CCDC149: variants seen among roughly 807,000 people sequenced by gnomAD.
The protein encoded by CCDC149 is coiled-coil domain-containing protein 149.
A neutral mutation model predicts 59.9 loss-of-function variants in CCDC149; 45 were observed. The ratio of observed to expected loss-of-function variants is 0.75; its 90% CI spans 0.59 to 0.96. The LOEUF (loss-of-function observed/expected upper bound fraction) is 0.96. CCDC149 is among the 40% of genes least tolerant of loss of function. The pLI is 0.00. For synonymous variants in CCDC149, 245 were observed against 260.6 expected (o/e 0.94, Z 0.58); for missense variants, 584 against 664.7 (o/e 0.88, Z 1.33).
At chr4:24,972,955 T>A (rs548058478) in intron 1 of CCDC149, among the ~76,000 whole-genome samples, 42 of 152,302 alleles carry the variant, frequency 2.8e-4, no homozygotes, top group Middle Eastern at 3.4e-3. Flanking sequence ...ACATTCACCA[T>A]CTTTTGCCTG....
Position 24,817,253 on chromosome 4 carries a change from T to C in CCDC149, c.1192+2606A>G, listed in dbSNP as rs185102400. ...TCCATGTGGACATTGGATCCTGGCA[T>C]GGCAAAACCACCAGCCAAGACATGC... On this transcript the variant is annotated intron_variant, in intron 12 of 12. Transcript: ENST00000635206. 8.3e-3 allele frequency among the ~76,000 whole-genome samples: 1,264 copies of C among 152,214 alleles called. 16 individuals carry two copies. Among genetic ancestry groups the C allele is most frequent in the African/African-American group, 0.029 (1,192 of 41,528 alleles).
chr4:24,876,019 G>A (rs1719396503), intron 2 of CCDC149, among the ~76,000 whole-genome samples: 1 of 151,998 alleles, frequency 6.6e-6, no homozygotes, highest in African/African-American at 2.4e-5. Context: ...ATGAAATCTT[G>A]CACCATTCCC....
At chr4:24,884,498 G>T (rs891726714) in intron 1 of CCDC149, among the ~76,000 whole-genome samples, 6 of 152,198 alleles carry the variant, frequency 3.9e-5, no homozygotes, top group African/African-American at 1.4e-4. Flanking sequence ...CTAATAGATG[G>T]TAATAAGTAG....
At chr4:24,959,313 T>G (rs966237587) in intron 1 of CCDC149, among the ~76,000 whole-genome samples, 14 of 152,134 alleles carry the variant, frequency 9.2e-5, no homozygotes, top group Non-Finnish European at 2.1e-4. Flanking sequence ...CAGTGACCTG[T>G]GGGACAACTG....
chr4:24,803,701 C>T (rs1024877527), downstream of CCDC149, among the ~76,000 whole-genome samples: 2 of 152,212 alleles, frequency 1.3e-5, no homozygotes, highest in African/African-American at 4.8e-5. The surrounding 1 kb of genome is among the most constrained non-coding windows in gnomAD (Gnocchi z 4.3). Flanking sequence ...TAATAGGCTA[C>T]CACTGGCCTC....
At chr4:24,833,538 C>T (rs1716302714) in intron 8 of CCDC149, among the ~76,000 whole-genome samples, 1 of 152,058 alleles carries the variant, frequency 6.6e-6, no homozygotes, top group Non-Finnish European at 1.5e-5. Flanking sequence ...GCAGGAGAAT[C>T]GCTTGAATCT....
chr4:24,976,588 C>T (rs1325677340), intron 1 of CCDC149, among the ~76,000 whole-genome samples: 3 of 152,144 alleles, frequency 2.0e-5, no homozygotes, highest in Non-Finnish European at 4.4e-5. Context: ...TGGTGCATGC[C>T]TGTAGTCCCA....
At chr4:24,846,861 C>T (rs1344735695) in intron 4 of CCDC149, among the ~76,000 whole-genome samples, 5 of 152,168 alleles carry the variant, frequency 3.3e-5, no homozygotes, top group Non-Finnish European at 7.3e-5. Flanking sequence ...TTGAATACAT[C>T]GCACTGTATT....
chr4:24,975,581 G>C (rs910198444), intron 1 of CCDC149, among the ~76,000 whole-genome samples: 12 of 146,808 alleles, frequency 8.2e-5, no homozygotes, highest in African/African-American at 3.1e-4. Context: ...GGGAAGAGAG[G>C]AGAGGGAAGG....
intron 1 of CCDC149, among the ~76,000 whole-genome samples, chr4:24,884,754 T>C (rs556989669): frequency 2.0e-5 from 3 of 152,258 alleles, no homozygotes; most frequent in South Asian, 2.1e-4. Flanking sequence ...CTTCGGAGGG[T>C]TGGTATGAGA....
chr4:24,967,146 A>G (rs1723825346), intron 1 of CCDC149, among the ~76,000 whole-genome samples: 1 of 152,050 alleles, frequency 6.6e-6, no homozygotes, highest in African/African-American at 2.4e-5. Context: ...GATATTTTGC[A>G]TGGCCTGGCA....
At chr4:24,975,346 A>C in intron 1 of CCDC149, among the ~76,000 whole-genome samples, 1 of 115,156 alleles carries the variant, frequency 8.7e-6, no homozygotes, top group Non-Finnish European at 1.8e-5. Flanking sequence ...GGGGAAGGAG[A>C]GGGAGGGGAG....
chr4:24,964,295 T>C (rs1191511532), intron 1 of CCDC149, among the ~76,000 whole-genome samples: 1 of 151,500 alleles, frequency 6.6e-6, no homozygotes, highest in Non-Finnish European at 1.5e-5. Flanking sequence ...AGAATGGAGA[T>C]GACAGGATAG....
At chr4:24,934,003 C>T (rs1722665986) in intron 1 of CCDC149, among the ~76,000 whole-genome samples, 1 of 152,208 alleles carries the variant, frequency 6.6e-6, no homozygotes, top group Non-Finnish European at 1.5e-5. Context: ...TGTATGCTGT[C>T]ACCCTCCATG....
At chr4:24,976,036 G>A (rs537308389) in intron 1 of CCDC149, among the ~76,000 whole-genome samples, 1 of 149,292 alleles carries the variant, frequency 6.7e-6, no homozygotes, top group South Asian at 2.2e-4. Flanking sequence ...GGAAGGAGAG[G>A]GAGGGGGGAA....
At chr4:24,833,771 C>T (rs1716321517) in intron 8 of CCDC149, among the ~76,000 whole-genome samples, 1 of 152,134 alleles carries the variant, frequency 6.6e-6, no homozygotes, top group East Asian at 1.9e-4. Context: ...AAAATGTTTG[C>T]ATATGTCTGT....
intron 12 of CCDC149, among the ~76,000 whole-genome samples, chr4:24,816,259 T>C (rs1419915743): frequency 2.0e-5 from 3 of 152,034 alleles, no homozygotes; most frequent in African/African-American, 7.2e-5. Context: ...AGCTAATGTT[T>C]TAATTTTCTT....
intron 3 of CCDC149, among the ~76,000 whole-genome samples, chr4:24,855,437 A>G (rs1577414464): frequency 6.6e-6 from 1 of 152,158 alleles, no homozygotes; most frequent in African/African-American, 2.4e-5. Flanking sequence ...ATAGTAGCAC[A>G]TGCCTATAGT....
intron 1 of CCDC149, among the ~76,000 whole-genome samples, chr4:24,979,327 T>C (rs746424265): frequency 3.3e-5 from 5 of 152,174 alleles, no homozygotes; most frequent in Non-Finnish European, 5.9e-5. Context: ...CAGGCAATCT[T>C]TGAAGTATAC....
Sources: gnomAD v4.1 joint callset for allele counts (sites outside exome capture counted in the v4.1 genomes callset) on GRCh38, gnomAD v4.1.1 for gene constraint, Gnocchi (gnomAD v3.1) non-coding constraint, MANE v1.5 for transcripts, NCBI Gene and HGNC (gene_info 2026-07-23, HGNC 2026-07-21) for gene names.